Variants in PRKG1 observed in about 807,000 individuals in gnomAD.
The protein encoded by PRKG1 is cGMP-dependent protein kinase 1.
In PRKG1, 35 loss-of-function variants were observed where a neutral mutation model predicts 88.1. The ratio of observed to expected loss-of-function variants is 0.40; its 90% confidence interval spans 0.30 to 0.53. The LOEUF (loss-of-function observed/expected upper bound fraction) is 0.53. Among genes scored for constraint, PRKG1 ranks in the 20% least tolerant of loss-of-function variants. PRKG1 has a pLI of 0.59. For synonymous variants in PRKG1, 303 were observed against 292.5 expected, an observed-to-expected ratio of 1.04 and a Z score of -0.37; for missense variants, 540 against 839.8, an observed-to-expected ratio of 0.64 and a Z score of 4.41.
chr10:51,211,834 A>G (rs111517190), intron 2 of PRKG1, among the ~76,000 whole-genome samples: 3,054 of 152,312 alleles, frequency 0.02, 46 homozygotes, highest in Middle Eastern at 0.051. Flanking sequence ...AACAAATGGA[A>G]GAACATTTCA....
At chr10:51,223,981 C>T (rs1322207403) in intron 2 of PRKG1, among the ~76,000 whole-genome samples, 2 of 152,146 alleles carry the variant, frequency 1.3e-5, no homozygotes, top group African/African-American at 4.8e-5. Context: ...TTATAATTCT[C>T]TTCTACATGC....
At chr10:51,167,246 T>C (rs771032661) in intron 2 of PRKG1, among the ~76,000 whole-genome samples, 1 of 151,994 alleles carries the variant, frequency 6.6e-6, no homozygotes, top group East Asian at 1.9e-4. Context: ...CCTGGGAGGG[T>C]AGCATTTGAG....
chr10:51,554,091 GTA>G (rs1261526835), intron 3 of PRKG1, among the ~76,000 whole-genome samples: 5 of 135,416 alleles, frequency 3.7e-5, no homozygotes, highest in African/African-American at 1.5e-4. Flanking sequence ...TGTGATACGT[GTA>G]TATATTATAT....
intron 2 of PRKG1, among the ~76,000 whole-genome samples, chr10:51,187,631 C>T (rs1245383563): frequency 2.0e-5 from 3 of 151,902 alleles, no homozygotes; most frequent in Non-Finnish European, 4.4e-5. Context: ...AATTTATTTT[C>T]ATGCCTCAGT....
chr10:51,740,427 AC>A (rs1281490845), intron 3 of PRKG1, among the ~76,000 whole-genome samples: 1 of 152,248 alleles, frequency 6.6e-6, no homozygotes, highest in Non-Finnish European at 1.5e-5. Context: ...CAAAACTATT[AC>A]ATGTCAACTT....
chr10:51,261,719 C>T (rs1176226238), intron 2 of PRKG1, among the ~76,000 whole-genome samples: 1 of 134,528 alleles, frequency 7.4e-6, no homozygotes, highest in African/African-American at 2.9e-5. Context: ...TTCTCTGAAG[C>T]AGAGGTTTCG....
intron 2 of PRKG1, among the ~76,000 whole-genome samples, chr10:51,231,713 T>G (rs1268422394): frequency 6.7e-6 from 1 of 148,456 alleles, no homozygotes; most frequent in African/African-American, 2.5e-5. Flanking sequence ...CTGAAACATT[T>G]TTTTTTTTTT....
Position 51,654,142 on chromosome 10 carries a change from G to A in PRKG1, c.593-150443G>A, listed in dbSNP as rs892591963. 4.1e-4 allele frequency among the ~76,000 whole-genome samples: 63 copies of A among 151,970 alleles called. 2 individuals carry two copies. Among genetic ancestry groups the A allele is most frequent in the Admixed American group, 3.7e-3 (56 of 15,246 alleles). On this transcript the variant is annotated intron_variant, in intron 3 of 17. Coordinates refer to ENST00000373980, the MANE Select transcript of PRKG1 (RefSeq NM_006258.4). ...AACTTTTTGCCTATGTTTTCTTCTAGAGGTTTTATAATTTTAGGTTTTATA... is the reference window on the plus strand; with the variant it reads ...AACTTTTTGCCTATGTTTTCTTCTAAAGGTTTTATAATTTTAGGTTTTATA...
At chr10:51,160,377 T>C (rs1846328946) in intron 2 of PRKG1, among the ~76,000 whole-genome samples, 1 of 152,202 alleles carries the variant, frequency 6.6e-6, no homozygotes, top group Admixed American at 6.6e-5. Flanking sequence ...TCTCAAATTG[T>C]GCTTGTTTAA....
chr10:51,159,621 A>G (rs1384116501), intron 2 of PRKG1, among the ~76,000 whole-genome samples: 1 of 152,186 alleles, frequency 6.6e-6, no homozygotes, highest in Non-Finnish European at 1.5e-5. Context: ...AGGCAATGGC[A>G]AAGGAAGGGA....
At chr10:51,948,403 T>C (rs980811585) in intron 5 of PRKG1, among the ~76,000 whole-genome samples, 22 of 152,142 alleles carry the variant, frequency 1.4e-4, no homozygotes, top group African/African-American at 4.3e-4. Flanking sequence ...AATTGAAATA[T>C]TGAACTATTA....
In PRKG1 at chr10:51,423,284, C is replaced by T. The variant is rs566904581; in HGVS notation, c.479-44439C>T. Among the ~76,000 whole-genome samples the T allele has an allele frequency of 5.6e-4, 86 of 152,242 alleles. No individual in the cohort carries two copies. The South Asian group carries it at 0.015, about 27-fold the overall frequency. ...AATCTCTTTCTCTTAATAATGACTT[C>T]GAAATTTCACATTGAGAATATAAAT... is the stretch of plus-strand genomic sequence containing the variant. On this transcript the variant is annotated intron_variant, in intron 2 of 17. Coordinates refer to ENST00000373980, the MANE Select transcript of PRKG1 (RefSeq NM_006258.4).
chr10:51,273,348 CAAA>C (rs35237197), intron 2 of PRKG1, among the ~76,000 whole-genome samples: 17,763 of 118,546 alleles, frequency 0.15, 1,182 homozygotes, highest in East Asian at 0.21. Context: ...CCATCTCTTC[CAAA>C]AAAAAAAAAA....
intron 7 of PRKG1, among the ~76,000 whole-genome samples, chr10:52,085,017 T>C (rs1201991945): frequency 2.0e-5 from 3 of 152,130 alleles, no homozygotes; most frequent in Admixed American, 6.6e-5. Flanking sequence ...TGAGGTTATG[T>C]ATTCTTTGCC....
intron 2 of PRKG1, among the ~76,000 whole-genome samples, chr10:51,178,364 C>A (rs549670360): frequency 2.0e-5 from 3 of 152,018 alleles, no homozygotes; most frequent in Admixed American, 6.6e-5. Context: ...TTGGGCTGGG[C>A]GCGGTGGCTC....
intron 2 of PRKG1, among the ~76,000 whole-genome samples, chr10:51,450,780 C>G (rs1839412178): frequency 1.3e-5 from 2 of 150,712 alleles, no homozygotes; most frequent in African/African-American, 4.9e-5. Flanking sequence ...GCTGAGTTGG[C>G]AGTGGTGTAG....
At chr10:52,140,272 TA>T (rs2132648227) in intron 8 of PRKG1, among the ~76,000 whole-genome samples, 1 of 152,296 alleles carries the variant, frequency 6.6e-6, no homozygotes, top group African/African-American at 2.4e-5. Flanking sequence ...CTTTTTAAAA[TA>T]AAGCAAATAC....
intron 4 of PRKG1, among the ~76,000 whole-genome samples, chr10:51,841,726 A>C (rs1233074672): frequency 6.6e-6 from 1 of 151,942 alleles, no homozygotes; most frequent in Non-Finnish European, 1.5e-5. Context: ...TCTGTCACCC[A>C]GACTGGAGTG....
At chr10:51,227,684 A>G (rs1838729747) in intron 2 of PRKG1, among the ~76,000 whole-genome samples, 1 of 152,222 alleles carries the variant, frequency 6.6e-6, no homozygotes, top group South Asian at 2.1e-4. Flanking sequence ...TTTTAAAAGA[A>G]AAGCCAGAGT....
Sources: gnomAD v4.1 joint callset for allele counts (sites outside exome capture counted in the v4.1 genomes callset) on GRCh38, gnomAD v4.1.1 for gene constraint, MANE v1.5 for transcripts, NCBI Gene and HGNC (gene_info 2026-07-23, HGNC 2026-07-21) for gene names.